Variants in GRK3 observed in about 807,000 individuals in gnomAD.
The protein encoded by GRK3 is adrenergic, beta, receptor kinase 2.
In GRK3, 54 loss-of-function variants were observed where a neutral mutation model predicts 95.7. The ratio of observed to expected loss-of-function variants is 0.56; its 90% CI spans 0.45 to 0.71. The LOEUF is 0.71. Ranked by LOEUF, GRK3 falls within the 30% of genes least tolerant of loss-of-function variation. GRK3 has a pLI of 0.00. For synonymous variants in GRK3, 281 were observed against 290.8 expected (o/e 0.97, Z 0.34); for missense variants, 649 against 851.2 (o/e 0.76, Z 2.96).
At chr22:25,633,249 C>G (rs1239118877) in intron 2 of GRK3, among the ~76,000 whole-genome samples, 1 of 151,962 alleles carries the variant, frequency 6.6e-6, no homozygotes, top group Non-Finnish European at 1.5e-5. Flanking sequence ...AGTGTAAATC[C>G]TTTTTGTTAT....
intron 13 of GRK3, among the ~76,000 whole-genome samples, chr22:25,699,710 T>C (rs568750824): frequency 5.8e-4 from 86 of 149,456 alleles, no homozygotes; most frequent in African/African-American, 2.1e-3. Flanking sequence ...TTTTTTTTTT[T>C]TTTTTTGAGA....
chr22:25,576,640 G>A (rs1458240515), intron 1 of GRK3, among the ~76,000 whole-genome samples: 4 of 152,180 alleles, frequency 2.6e-5, no homozygotes, highest in African/African-American at 9.7e-5. Flanking sequence ...TCAAGGTCGC[G>A]CTGATAACAA....
intron 6 of GRK3, among the ~76,000 whole-genome samples, chr22:25,670,100 C>A (rs1279056807): frequency 6.6e-6 from 1 of 152,124 alleles, no homozygotes; most frequent in African/African-American, 2.4e-5. Context: ...ATTTTAGATT[C>A]ATTGAAAAAA....
At chr22:25,650,607 A>C (rs1403693448) in intron 3 of GRK3, among the ~76,000 whole-genome samples, 1 of 152,198 alleles carries the variant, frequency 6.6e-6, no homozygotes, top group African/African-American at 2.4e-5. Context: ...AGAAAATGTG[A>C]AAGTTTTACA....
rs560459122 is a variant in GRK3, at chr22:25,715,529, A to G, written c.1654+959A>G. ...GTCTCAAAAAAAAAAAAATTGCCAA[A>G]CTGTATTTTTATGTAAATAATTCAA... is the stretch of plus-strand genomic sequence containing the variant. On this transcript the variant is annotated intron_variant, in intron 18 of 20. Coordinates refer to ENST00000324198, the MANE Select transcript of GRK3 (RefSeq NM_005160.4). 6.6e-5 allele frequency among the ~76,000 whole-genome samples: 10 copies of G among 152,266 alleles called. No individual in the cohort carries two copies. In the South Asian group the frequency reaches 2.1e-3, roughly 32 times the overall value.
chr22:25,654,174 C>T (rs1030556029), intron 3 of GRK3, among the ~76,000 whole-genome samples: 1 of 152,060 alleles, frequency 6.6e-6, no homozygotes, highest in Non-Finnish European at 1.5e-5. Flanking sequence ...TACTTCTAAA[C>T]AATTTATAAG....
At chr22:25,583,161 G>C (rs1246578735) in intron 1 of GRK3, among the ~76,000 whole-genome samples, 2 of 152,174 alleles carry the variant, frequency 1.3e-5, no homozygotes, top group Non-Finnish European at 2.9e-5. Flanking sequence ...AAGGCAATTT[G>C]TATCAAATGA....
chr22:25,599,349 T>G (rs1251438963), intron 1 of GRK3, among the ~76,000 whole-genome samples: 3 of 152,050 alleles, frequency 2.0e-5, no homozygotes, highest in Non-Finnish European at 4.4e-5. Context: ...TCCCAGCATT[T>G]TGGGAGGCTG....
chr22:25,648,208 A>T, intron 3 of GRK3: 3 of 754,962 alleles, frequency 4.0e-6, no homozygotes, highest in South Asian at 2.8e-5. Context: ...CGTGATTGGG[A>T]TGAGGTAAGG....
At chr22:25,631,972 C>T (rs532863394) in intron 2 of GRK3, among the ~76,000 whole-genome samples, 17 of 152,328 alleles carry the variant, frequency 1.1e-4, no homozygotes, top group African/African-American at 4.1e-4. Context: ...CATCCACCAA[C>T]TGAACATTTG....
intron 3 of GRK3, among the ~76,000 whole-genome samples, chr22:25,658,176 G>T (rs1414125821): frequency 1.3e-5 from 2 of 152,048 alleles, no homozygotes; most frequent in African/African-American, 4.8e-5. Flanking sequence ...ATCTTGGATT[G>T]GTTTTCATTG....
intron 15 of GRK3, among the ~76,000 whole-genome samples, chr22:25,707,924 C>G (rs1207945667): frequency 6.6e-6 from 1 of 152,002 alleles, no homozygotes; most frequent in Non-Finnish European, 1.5e-5. Context: ...CCCACAAATG[C>G]CAGTAGCATC....
chr22:25,720,676 C>T (rs1358970001), intron 19 of GRK3, among the ~76,000 whole-genome samples: 1 of 151,966 alleles, frequency 6.6e-6, no homozygotes, highest in African/African-American at 2.4e-5. Context: ...GGGGTTTCAC[C>T]ATCTTGGCCA....
intron 9 of GRK3, among the ~76,000 whole-genome samples, chr22:25,682,498 G>C (rs1184515458): frequency 6.6e-6 from 1 of 152,122 alleles, no homozygotes; most frequent in Non-Finnish European, 1.5e-5. Flanking sequence ...CTAGGGATGT[G>C]GTCTTGAGCT....
At chr22:25,705,847 T>C (rs531977892) in intron 15 of GRK3, among the ~76,000 whole-genome samples, 3 of 152,284 alleles carry the variant, frequency 2.0e-5, no homozygotes, top group Non-Finnish European at 4.4e-5. Context: ...AAGGAAGTAA[T>C]AATTTTCCCC....
chr22:25,631,370 A>G (rs1256237983), intron 2 of GRK3, among the ~76,000 whole-genome samples: 1 of 152,176 alleles, frequency 6.6e-6, no homozygotes, highest in African/African-American at 2.4e-5. Flanking sequence ...CCTCCATACA[A>G]ACTTGTGTTT....
chr22:25,624,875 T>C (rs2084615168), intron 2 of GRK3, among the ~76,000 whole-genome samples: 1 of 152,176 alleles, frequency 6.6e-6, no homozygotes, highest in Admixed American at 6.5e-5. Context: ...CAAACTGTTA[T>C]TTGCAGCATT....
intron 1 of GRK3, among the ~76,000 whole-genome samples, chr22:25,588,786 T>G (rs1932402156): frequency 6.6e-6 from 1 of 152,018 alleles, no homozygotes; most frequent in Middle Eastern, 3.4e-3. Flanking sequence ...TTTTTTTTTT[T>G]TTTTTTGAGA....
intron 13 of GRK3, among the ~76,000 whole-genome samples, chr22:25,698,032 G>C (rs1442136427): frequency 2.0e-5 from 3 of 151,814 alleles, no homozygotes; most frequent in African/African-American, 7.3e-5. Flanking sequence ...GAGACTGCTT[G>C]ATGCTGTGGG....
Sources: gnomAD v4.1 joint callset for allele counts (sites outside exome capture counted in the v4.1 genomes callset) on GRCh38, gnomAD v4.1.1 for gene constraint, MANE v1.5 for transcripts, NCBI Gene and HGNC (gene_info 2026-07-23, HGNC 2026-07-21) for gene names.